Variants in CLSTN2 observed in about 807,000 individuals in gnomAD.
CLSTN2 encodes the protein calsyntenin 2.
CLSTN2 carries 48 observed loss-of-function variants against 101.2 expected under a neutral mutation model. The ratio of observed to expected loss-of-function variants is 0.47; its 90% CI spans 0.38 to 0.60. The LOEUF is 0.60. Among genes scored for constraint, CLSTN2 ranks in the 20% least tolerant of loss-of-function variants. The pLI is 0.00. For synonymous variants in CLSTN2, 481 were observed against 463.6 expected (o/e 1.04, Z -0.48); for missense variants, 1,160 against 1,238.2 (o/e 0.94, Z 0.95).
intron 2 of CLSTN2, among the ~76,000 whole-genome samples, chr3:140,260,005 A>G (rs1350956269): frequency 1.3e-5 from 2 of 151,784 alleles, no homozygotes; most frequent in Non-Finnish European, 2.9e-5. Flanking sequence ...GGGTTGAAAA[A>G]CTTTCTGGTA....
At chr3:140,170,849 G>A (rs139520360) in intron 1 of CLSTN2, among the ~76,000 whole-genome samples, 6 of 152,296 alleles carry the variant, frequency 3.9e-5, no homozygotes, top group Non-Finnish European at 5.9e-5. Flanking sequence ...TTTTACAGTC[G>A]TGGGAACTGA....
intron 1 of CLSTN2, among the ~76,000 whole-genome samples, chr3:139,936,952 A>G (rs1345728534): frequency 1.3e-5 from 2 of 152,250 alleles, no homozygotes. Context: ...AAAATATCTC[A>G]GAGTGCGGTA....
At chr3:140,383,802 G>C (rs1193571617) in intron 2 of CLSTN2, among the ~76,000 whole-genome samples, 1 of 152,218 alleles carries the variant, frequency 6.6e-6, no homozygotes, top group Non-Finnish European at 1.5e-5. Context: ...CAGTGAGATG[G>C]ACCGTGTGGC....
rs533533075 is a variant in CLSTN2, at chr3:140,510,151, G to A, written c.1345-22173G>A. ...ACTATATTGAAAGTCAAAAACAATG[G>A]TTATATTAGTACTCAAAGTACAGTC... On this transcript the variant is annotated intron_variant, in intron 8 of 16. Transcript: ENST00000458420. Among the ~76,000 whole-genome samples the A allele has an allele frequency of 2.9e-3, 438 of 152,222 alleles. 1 individual carries two copies. The highest frequency in any genetic ancestry group is 4.7e-3 in the Non-Finnish European group (322 of 68,010).
At chr3:140,205,595 CA>C in intron 2 of CLSTN2, among the ~76,000 whole-genome samples, 1 of 139,262 alleles carries the variant, frequency 7.2e-6, no homozygotes, top group African/African-American at 2.6e-5. Flanking sequence ...GGATTGGGTA[CA>C]GTTGTTGTTT....
chr3:140,032,711 G>A (rs750060366), intron 1 of CLSTN2, among the ~76,000 whole-genome samples: 2 of 152,186 alleles, frequency 1.3e-5, no homozygotes, highest in Non-Finnish European at 2.9e-5. Flanking sequence ...CTGCCATATG[G>A]GCATCAGGCA....
intron 7 of CLSTN2, among the ~76,000 whole-genome samples, chr3:140,463,616 G>A (rs141837561): frequency 1.3e-5 from 2 of 152,210 alleles, no homozygotes; most frequent in African/African-American, 4.8e-5. Flanking sequence ...GGAAAGGCCT[G>A]ACTCATGTCA....
chr3:139,997,501 G>C (rs566619500), intron 1 of CLSTN2, among the ~76,000 whole-genome samples: 1 of 152,084 alleles, frequency 6.6e-6, no homozygotes, highest in African/African-American at 2.4e-5. Flanking sequence ...ATACATTAAA[G>C]TTCCATGTAT....
chr3:140,507,709 TTATAGACA>T (rs1934711896), intron 8 of CLSTN2: 1 of 152,194 alleles, frequency 6.6e-6, no homozygotes, highest in Non-Finnish European at 1.5e-5. Flanking sequence ...ATAGGATGTC[TTATAGACA>T]TAATGTTACA....
At chr3:140,011,368 G>T (rs1395296570) in intron 1 of CLSTN2, among the ~76,000 whole-genome samples, 1 of 152,144 alleles carries the variant, frequency 6.6e-6, no homozygotes, top group Non-Finnish European at 1.5e-5. Context: ...GGTAGGGGGA[G>T]GTGGCTATTC....
At chr3:140,006,909 T>G (rs1370748807) in intron 1 of CLSTN2, among the ~76,000 whole-genome samples, 1 of 152,156 alleles carries the variant, frequency 6.6e-6, no homozygotes, top group African/African-American at 2.4e-5. Flanking sequence ...AAGAAACCAC[T>G]CTAATATCAG....
At chr3:140,413,078 A>C (rs1373614560) in intron 4 of CLSTN2, among the ~76,000 whole-genome samples, 1 of 152,182 alleles carries the variant, frequency 6.6e-6, no homozygotes, top group Non-Finnish European at 1.5e-5. Flanking sequence ...ACACTAGAAG[A>C]CCGTATAAAA....
At chr3:140,432,005 G>GAA (rs1191815205) in intron 5 of CLSTN2, among the ~76,000 whole-genome samples, 3 of 152,018 alleles carry the variant, frequency 2.0e-5, no homozygotes, top group Non-Finnish European at 4.4e-5. Flanking sequence ...TCATGCAAAA[G>GAA]AAAACACACA....
intron 2 of CLSTN2, among the ~76,000 whole-genome samples, chr3:140,279,117 T>C (rs963847948): frequency 2.0e-5 from 3 of 152,244 alleles, no homozygotes; most frequent in Non-Finnish European, 4.4e-5. Context: ...GTCTGGCTTC[T>C]TTCCCTCAAC....
At chr3:140,244,478 G>A (rs2086497725) in intron 2 of CLSTN2, among the ~76,000 whole-genome samples, 1 of 152,138 alleles carries the variant, frequency 6.6e-6, no homozygotes, top group African/African-American at 2.4e-5. Flanking sequence ...CCCTGTCTTA[G>A]TGTGTGTACG....
At chr3:140,339,353 A>G (rs577701435) in intron 2 of CLSTN2, among the ~76,000 whole-genome samples, 46 of 152,062 alleles carry the variant, frequency 3.0e-4, no homozygotes, top group Non-Finnish European at 4.9e-4. Flanking sequence ...CTCCAAGGAA[A>G]TGGTATTTAG....
intron 2 of CLSTN2, among the ~76,000 whole-genome samples, chr3:140,322,026 C>T (rs1478173946): frequency 2.0e-5 from 3 of 152,246 alleles, no homozygotes; most frequent in African/African-American, 7.2e-5. Context: ...GTAGCTCCAT[C>T]TCTTCAGACC....
At chr3:140,486,167 A>G (rs1230839122) in intron 8 of CLSTN2, among the ~76,000 whole-genome samples, 1 of 152,174 alleles carries the variant, frequency 6.6e-6, no homozygotes, top group Non-Finnish European at 1.5e-5. Context: ...GTGTATGACA[A>G]ACAACATTTT....
intron 2 of CLSTN2, among the ~76,000 whole-genome samples, chr3:140,388,379 A>G (rs2088076549): frequency 6.6e-6 from 1 of 152,228 alleles, no homozygotes; most frequent in African/African-American, 2.4e-5. Flanking sequence ...ACTCTCTAGC[A>G]TCTCCTATAA....
Sources: gnomAD v4.1 joint callset for allele counts (sites outside exome capture counted in the v4.1 genomes callset) on GRCh38, gnomAD v4.1.1 for gene constraint, MANE v1.5 for transcripts, NCBI Gene and HGNC (gene_info 2026-07-23, HGNC 2026-07-21) for gene names.